The following ZNF419 variants were observed in gnomAD, a reference collection of about 807,000 sequenced individuals.
ZNF419 encodes zinc finger protein 419, also known as zinc finger protein 419A.
ZNF419 carries 8 observed loss-of-function variants against 14.9 expected under a neutral mutation model. The observed-to-expected ratio is 0.54, with a 90% CI of 0.32 to 0.97. The LOEUF (loss-of-function observed/expected upper bound fraction) is 0.97, where lower values mean the gene tolerates loss of function less well. Ranked by LOEUF, ZNF419 falls within the 50% of genes least tolerant of loss-of-function variation. ZNF419 has a pLI of 0.04. For synonymous variants in ZNF419, 211 were observed against 205.3 expected (o/e 1.03, Z -0.24); for missense variants, 595 against 607.2 (o/e 0.98, Z 0.21).
chr19:57,488,019 T>C (rs2123182129), intron 1 of ZNF419, 36 bp downstream of exon 1: 17 of 1,612,630 alleles, frequency 1.1e-5, no homozygotes, highest in Non-Finnish European at 1.4e-5. Flanking sequence ...CCCCGAATCC[T>C]AAAGCCCTGT....
rs767603137 is a variant in ZNF419, at chr19:57,488,381, GAA to G, written c.33+399_33+400del. 3.3e-3 allele frequency: 820 copies of G among 249,858 alleles called. 2 individuals carry two copies. The highest frequency in any genetic ancestry group is 4.8e-3 in the Non-Finnish European group (606 of 127,110). 15.5% of individuals were successfully genotyped at this position (249,858 alleles called of 1,614,324 possible). A position where few individuals can be genotyped will look rare whatever the true frequency, so the allele number is the denominator to read the frequency against. On this transcript the variant is annotated intron_variant, in intron 1 of 4. Coordinates refer to ENST00000221735, the MANE Select transcript of ZNF419 (RefSeq NM_024691.4). Reference sequence around the variant, plus strand: ...AGACTGGGGTGGGGGTGAGGCGGGTGAAGACAGACCTGTGAGTAGGTAAATTC... The same window carrying G: ...AGACTGGGGTGGGGGTGAGGCGGGTGGACAGACCTGTGAGTAGGTAAATTC...
intron 4 of ZNF419, chr19:57,492,544 C>G: frequency 1.3e-6 from 1 of 754,888 alleles, no homozygotes; most frequent in Non-Finnish European, 2.4e-6. Flanking sequence ...CCTTCTGTGC[C>G]GTGTTCCTGT....
rs532907966 is a variant in ZNF419 at position 57,495,725 on chromosome 19, C to CAAAAAAAAAAAAAAAA, written c.*1664_*1679dup. 6.1e-5 allele frequency: 3 copies of CAAAAAAAAAAAAAAAA among 49,158 alleles called. 1 individual carries two copies. The highest frequency in any genetic ancestry group is 1.0e-4 in the Non-Finnish European group (3 of 29,604). 3.0% of individuals were successfully genotyped at this position (49,158 alleles called of 1,614,324 possible). A position where few individuals can be genotyped will look rare whatever the true frequency, so the allele number is the denominator to read the frequency against. On this transcript the variant is annotated 3_prime_UTR_variant, in exon 5 of 5. Transcript: ENST00000221735. ...TGGGGCACAAAGCCAGACTCTGTCT[C>CAAAAAAAAAAAAAAAA]AAAAAAAAAAAAAAAAAAAAAAAAA...
intron 4 of ZNF419, 126 bp downstream of exon 4, chr19:57,492,337 C>A: frequency 9.1e-7 from 1 of 1,102,252 alleles, no homozygotes; most frequent in South Asian, 1.2e-5. Context: ...CTTCCTTAGT[C>A]ACCCATTTAT....
rs563812398 is a variant in ZNF419 at position 57,490,534 on chromosome 19, G to A, written c.72+349G>A. The A allele has an allele frequency of 1.2e-4, 21 of 174,642 alleles. 1 individual carries two copies. The South Asian group carries it at 2.6e-3, about 22-fold the overall frequency. 10.8% of individuals were successfully genotyped at this position (174,642 alleles called of 1,614,324 possible). A position where few individuals can be genotyped will look rare whatever the true frequency, so the allele number is the denominator to read the frequency against. On this transcript the variant is annotated intron_variant, in intron 2 of 4. Coordinates refer to ENST00000221735, the MANE Select transcript of ZNF419 (RefSeq NM_024691.4). Reference sequence around the variant, plus strand: ...CACACCAGCTAATTTTGGATTTTTGGTAGAGAGGTTTCTCCACGTTGGTTA... The same window carrying A: ...CACACCAGCTAATTTTGGATTTTTGATAGAGAGGTTTCTCCACGTTGGTTA...
At chr19:57,490,942 A>G (rs1347269197) in intron 2 of ZNF419, 1 of 162,474 alleles carries the variant, frequency 6.2e-6, no homozygotes, top group South Asian at 1.6e-4. Flanking sequence ...GGGGCTGAGG[A>G]TTGGCCCTGG....
Position 57,494,325 on chromosome 19 carries a change from G to A in ZNF419, c.*235G>A. The A allele has an allele frequency of 1.8e-6, 1 of 544,850 alleles. No individual in the cohort carries two copies. The highest frequency in any genetic ancestry group is 3.0e-6 in the Non-Finnish European group (1 of 330,544). The allele number at this position is 544,850 out of a possible 1,614,324, so 33.8% of individuals were successfully genotyped here. On this transcript the variant is annotated 3_prime_UTR_variant, in exon 5 of 5. Transcript: ENST00000221735. ...CTGGAGAAAGGCCTTAGGGTGACAGGTTATGTACTGTCTCTGAATCAATAT... is the reference window on the plus strand; with the variant it reads ...CTGGAGAAAGGCCTTAGGGTGACAGATTATGTACTGTCTCTGAATCAATAT...
rs766465680 is a variant in ZNF419, at chr19:57,493,708, C to T, written c.1151C>T (p.Ser384Leu). Residue 384 changes from serine to leucine, a missense_variant, in exon 5 of 5, where the codon TCA becomes TTA. Ser to Leu is a moderately radical substitution (Grantham distance 145, BLOSUM62 -2). Transcript: ENST00000221735. The part of the protein sequence containing the change: ...SDCGKFFTQC[S>L]SLMQHQKVHT... ...TGTGGGAAATTTTTTACCCAATGCT[C>T]AAGCCTCATGCAACATCAAAAAGTT... is the stretch of plus-strand genomic sequence containing the variant. 1 of 1,614,180 alleles carries T rather than the reference C, an allele frequency of 6.2e-7. No individual in the cohort carries two copies. The highest frequency in any genetic ancestry group is 2.2e-5 in the East Asian group (1 of 44,878).
At position 57,489,843 on chromosome 19, in the gene ZNF419, G is replaced by A. The variant is rs151063824; in HGVS notation, c.34-304G>A. On this transcript the variant is annotated intron_variant, in intron 1 of 4. Coordinates refer to ENST00000221735, the MANE Select transcript of ZNF419 (RefSeq NM_024691.4). ...TTTATTTGCGCTGAAAATGTTGACA[G>A]AAGCATTAATTATGTGTACAGTAAG... 5.8e-3 allele frequency: 1,561 copies of A among 268,504 alleles called. 29 individuals are homozygous for A. Among genetic ancestry groups the A allele is most frequent in the African/African-American group, 0.03 (1,372 of 45,054 alleles). The allele number at this position is 268,504 out of a possible 1,614,324, so 16.6% of individuals were successfully genotyped here.
chr19:57,492,212 G>A lies in ZNF419; in HGVS notation c.298+1G>A, dbSNP rs2074071. 0.3 allele frequency: 484,201 copies of A among 1,613,800 alleles called. 73,855 individuals are homozygous for A. The highest frequency in any genetic ancestry group is 0.4 in the African/African-American group (29,594 of 74,906). On this transcript the variant is annotated splice_donor_variant, in intron 4 of 4. Coordinates refer to ENST00000221735, the MANE Select transcript of ZNF419 (RefSeq NM_024691.4). LOFTEE classifies it high-confidence loss of function. Reference sequence around the variant, plus strand: ...GTTGTGACTTCAGCCATACCGAGAGGTAGTTGGTGGGTGGAGCTCAGGGAG... The same window carrying A: ...GTTGTGACTTCAGCCATACCGAGAGATAGTTGGTGGGTGGAGCTCAGGGAG...
rs768241137 is a variant in ZNF419 at position 57,487,972 on chromosome 19, G to A, written c.22G>A (p.Asp8Asn). The change falls in exon 1 of 5, where the codon GAC becomes AAC. Residue 8 changes from aspartate to asparagine, a missense_variant. Physicochemically the swap from Asp to Asn is conservative, Grantham distance 23. Transcript: ENST00000221735. MAAAALR[D>N]PAQVPVAADL... ...TCCGATGGCGGCGGCCGCCCTGAGGGACCCCGCTCAGGTGAGCGCCGCGTC... is the reference window on the plus strand; with the variant it reads ...TCCGATGGCGGCGGCCGCCCTGAGGAACCCCGCTCAGGTGAGCGCCGCGTC... 42 of 1,613,618 alleles carry A rather than the reference G, an allele frequency of 2.6e-5. No individual in the cohort carries two copies. In the East Asian group the frequency reaches 3.6e-4, roughly 14 times the overall value.
Position 57,493,784 on chromosome 19 carries a change from A to T in ZNF419, c.1227A>T (p.Arg409Ser), listed in dbSNP as rs1442822389. The T allele has an allele frequency of 1.9e-6, 3 of 1,614,142 alleles. No homozygotes were observed. The highest frequency in any genetic ancestry group is 2.2e-5 in the East Asian group (1 of 44,860). The part of the protein sequence containing the change: ...FKCNECGRFF[R>S]ENSTLVRHQR... ...GCAATGAATGTGGGAGATTCTTTAG[A>T]GAGAATTCCACCCTAGTTAGACATC... Residue 409 changes from arginine to serine, a missense_variant, in exon 5 of 5, where the codon AGA becomes AGT. By Grantham distance (110) the Arg-to-Ser change is moderately radical. Transcript: ENST00000221735.
In ZNF419 at chr19:57,495,466, C is replaced by G. The variant is rs2089596880; in HGVS notation, c.*1376C>G. On this transcript the variant is annotated 3_prime_UTR_variant, in exon 5 of 5. Coordinates refer to ENST00000221735, the MANE Select transcript of ZNF419 (RefSeq NM_024691.4). ...CCTTGACTGAGTGCGGTGGCTCACG[C>G]CTGTAATCCCAACACTTTGGGAGGC... The G allele has an allele frequency of 6.6e-6, 1 of 152,276 alleles. No homozygotes were observed. Among genetic ancestry groups the G allele is most frequent in the Non-Finnish European group, 1.5e-5 (1 of 68,050 alleles). The allele number at this position is 152,276 out of a possible 1,614,324, so 9.4% of individuals were successfully genotyped here.
chr19:57,493,778 C>A lies in ZNF419; in HGVS notation c.1221C>A (p.Phe407Leu), dbSNP rs1195428887. The A allele has an allele frequency of 2.5e-6, 4 of 1,613,346 alleles. No homozygotes were observed. The highest frequency in any genetic ancestry group is 1.7e-5 in the Admixed American group (1 of 59,946). Residue 407 changes from phenylalanine (F) to leucine (L), a missense_variant, in exon 5 of 5, where the codon TTC (phenylalanine) becomes TTA (leucine). Coordinates refer to ENST00000221735, the MANE Select transcript of ZNF419 (RefSeq NM_024691.4). ...TTAAGTGCAATGAATGTGGGAGATT[C>A]TTTAGAGAGAATTCCACCCTAGTTA... is the stretch of plus-strand genomic sequence containing the variant. ...KPFKCNECGRFFRENSTLVRH... is the reference protein window; with the variant it reads ...KPFKCNECGRLFRENSTLVRH...
intron 1 of ZNF419, 76 bp downstream of exon 1, chr19:57,488,059 A>T (rs1205746652): frequency 5.0e-6 from 8 of 1,596,668 alleles, no homozygotes; most frequent in Non-Finnish European, 6.0e-6. Context: ...CCCCGGGTGC[A>T]GAACTGTGGG....
chr19:57,487,782 C>T lies in ZNF419; in HGVS notation c.-169C>T, dbSNP rs534566039. ...ACTTTCGCGACTCAGGTGAACTAACCTGCGAGAAGCTGGTTGTGCGCTGAG... is the reference window on the plus strand; with the variant it reads ...ACTTTCGCGACTCAGGTGAACTAACTTGCGAGAAGCTGGTTGTGCGCTGAG... On this transcript the variant is annotated 5_prime_UTR_variant, in exon 1 of 5. Transcript: ENST00000221735. 5.5e-6 allele frequency: 5 copies of T among 912,162 alleles called. No homozygotes were observed. The East Asian group carries it at 1.0e-4, about 19-fold the overall frequency. The allele number at this position is 912,162 out of a possible 1,614,324, so 56.5% of individuals were successfully genotyped here. A position where few individuals can be genotyped will look rare whatever the true frequency, so the allele number is the denominator to read the frequency against.
chr19:57,492,113 G>A lies in ZNF419; in HGVS notation c.200G>A (p.Gly67Glu). The part of the protein sequence containing the change: ...LENFTLLASL[G>E]LASSKTHEIT... ...GCCACTCACCTGTCGTTTTCCTTAG[G>A]ACTTGCATCTTCCAAGACCCATGAA... is the stretch of plus-strand genomic sequence containing the variant. Residue 67 changes from glycine to glutamate, a missense_variant and splice_region_variant, in exon 4 of 5, where the codon GGA becomes GAA. Gly to Glu is a moderately conservative substitution (Grantham distance 98). Transcript: ENST00000221735. 6.2e-7 allele frequency: 1 copy of A among 1,610,792 alleles called. No homozygotes were observed. The highest frequency in any genetic ancestry group is 2.2e-5 in the East Asian group (1 of 44,804).
intron 2 of ZNF419, chr19:57,490,875 T>G (rs1204157467): frequency 6.2e-6 from 1 of 160,312 alleles, no homozygotes; most frequent in Non-Finnish European, 1.4e-5. Context: ...ATGTGTGCAA[T>G]TCCAAGTAGC....
rs2089552276 is a variant in ZNF419, at chr19:57,493,600, G to C, written c.1043G>C (p.Cys348Ser). 1 of 1,613,508 alleles carries C rather than the reference G, an allele frequency of 6.2e-7. No homozygotes were observed. The highest frequency in any genetic ancestry group is 8.5e-7 in the Non-Finnish European group (1 of 1,179,534). Residue 348 changes from cysteine to serine, a missense_variant, in exon 5 of 5, where the codon TGT becomes TCT. Cys to Ser is a moderately radical substitution (Grantham distance 112). Coordinates refer to ENST00000221735, the MANE Select transcript of ZNF419 (RefSeq NM_024691.4). ...TGERPYKCSE[C>S]GKFYSHKSNL... ...GAAAGACCTTATAAGTGCAGTGAATGTGGAAAATTCTATAGCCACAAGTCC... is the reference window on the plus strand; with the variant it reads ...GAAAGACCTTATAAGTGCAGTGAATCTGGAAAATTCTATAGCCACAAGTCC...
Sources: gnomAD v4.1 joint callset for allele counts on GRCh38, gnomAD v4.1.1 for gene constraint, MANE v1.5 for transcripts, NCBI Gene and HGNC (gene_info 2026-07-23, HGNC 2026-07-21) for gene names.